The following THSD7B variants were observed in gnomAD, a reference collection of about 807,000 sequenced individuals.
The protein encoded by THSD7B is thrombospondin type-1 domain-containing protein 7B.
Under a neutral mutation model 213.6 loss-of-function variants are expected in THSD7B, and 138 were observed. The observed-to-expected ratio is 0.65, with a 90% CI of 0.56 to 0.74. The LOEUF is 0.74. Ranked by LOEUF, THSD7B falls within the 30% of genes least tolerant of loss-of-function variation. The probability of loss-of-function intolerance (pLI) is 0.00; values close to 1 mark genes in which losing one functional copy is unlikely to be tolerated. For missense variants in THSD7B, 1,931 were observed against 1,991.5 expected, an observed-to-expected ratio of 0.97 and a Z score of 0.58; for synonymous variants, 742 against 687.0, an observed-to-expected ratio of 1.08 and a Z score of -1.25.
chr2:137,307,985 A>G (rs1683797287), intron 12 of THSD7B, among the ~76,000 whole-genome samples: 1 of 152,004 alleles, frequency 6.6e-6, no homozygotes. Context: ...AGGGGTGCAA[A>G]TAGGGCAACC....
chr2:136,877,685 C>A (rs1313742073), intron 1 of THSD7B, among the ~76,000 whole-genome samples: 1 of 152,036 alleles, frequency 6.6e-6, no homozygotes, highest in African/African-American at 2.4e-5. Flanking sequence ...TCTAGGAATG[C>A]CACGAGACTC....
chr2:137,616,154 T>C, intron 17 of THSD7B, 21 bp from the exon 18 acceptor site: 1 of 1,607,630 alleles, frequency 6.2e-7, no homozygotes, highest in Non-Finnish European at 8.5e-7. Context: ...CAGTCAACTT[T>C]TCCTACTCTG....
At chr2:136,967,655 G>A (rs538770280) in intron 2 of THSD7B, among the ~76,000 whole-genome samples, 19 of 152,176 alleles carry the variant, frequency 1.2e-4, no homozygotes, top group Non-Finnish European at 2.5e-4. Context: ...ATGGTAAAAT[G>A]AGCCCCAATC....
chr2:137,360,329 C>T (rs1261793246), intron 12 of THSD7B, among the ~76,000 whole-genome samples: 1 of 152,040 alleles, frequency 6.6e-6, no homozygotes, highest in Non-Finnish European at 1.5e-5. Context: ...TCTGCATTTC[C>T]AACTGAGGTA....
chr2:137,382,623 A>G (rs1685802860), intron 12 of THSD7B, among the ~76,000 whole-genome samples: 1 of 152,246 alleles, frequency 6.6e-6, no homozygotes, highest in Non-Finnish European at 1.5e-5. Context: ...GACTTACCCG[A>G]TAGTGGGATG....
chr2:136,985,971 G>T (rs1685666091), intron 2 of THSD7B, among the ~76,000 whole-genome samples: 1 of 152,186 alleles, frequency 6.6e-6, no homozygotes, highest in South Asian at 2.1e-4. Context: ...CTGCCCTCCT[G>T]GGTTTCATAT....
chr2:137,664,729 T>C (rs1192169829), intron 26 of THSD7B, among the ~76,000 whole-genome samples: 1 of 152,194 alleles, frequency 6.6e-6, no homozygotes, highest in Non-Finnish European at 1.5e-5. Flanking sequence ...GCAGATCTTT[T>C]AGGCTTTTAC....
chr2:137,564,890 CAT>C (rs1479154303), intron 16 of THSD7B, among the ~76,000 whole-genome samples: 2 of 152,142 alleles, frequency 1.3e-5, no homozygotes, highest in East Asian at 3.9e-4. Flanking sequence ...AAAAAATATC[CAT>C]ATGTCTAAGT....
intron 15 of THSD7B, among the ~76,000 whole-genome samples, chr2:137,554,357 A>G (rs1037023385): frequency 6.6e-6 from 1 of 152,190 alleles, no homozygotes; most frequent in African/African-American, 2.4e-5. Flanking sequence ...CAGAAGACAC[A>G]AATTTTTTCC....
chr2:137,538,495 G>C (rs778184722), intron 15 of THSD7B: 7 of 517,548 alleles, frequency 1.4e-5, no homozygotes, highest in Admixed American at 5.9e-5. Context: ...AAAGGCTCAG[G>C]TTGGTGTTGC....
chr2:137,090,823 G>A (rs535417027), intron 3 of THSD7B, among the ~76,000 whole-genome samples: 2 of 152,070 alleles, frequency 1.3e-5, no homozygotes, highest in Non-Finnish European at 2.9e-5. Context: ...AAATCTAAGG[G>A]GTGAGTAAAT....
chr2:137,618,387 T>A lies in THSD7B; in HGVS notation c.3566-5T>A. 6.2e-7 allele frequency: 1 copy of A among 1,613,304 alleles called. No individual in the cohort carries two copies. Among genetic ancestry groups the A allele is most frequent in the Non-Finnish European group, 8.5e-7 (1 of 1,179,524 alleles). ...AACTCAGTGTGGGTGATCCTATGCC[T>A]GTAGAGTGGAGCACATGCCAGCTGA... On this transcript the variant is annotated splice_region_variant and splice_polypyrimidine_tract_variant and intron_variant, in intron 18 of 27. Transcript: ENST00000409968.
intron 21 of THSD7B, among the ~76,000 whole-genome samples, chr2:137,646,093 T>TA (rs1683026509): frequency 6.6e-6 from 1 of 152,144 alleles, no homozygotes; most frequent in South Asian, 2.1e-4. Flanking sequence ...GAAATACTGA[T>TA]AAAACAAATG....
At chr2:137,118,520 T>C (rs752421970) in intron 5 of THSD7B, among the ~76,000 whole-genome samples, 7 of 152,112 alleles carry the variant, frequency 4.6e-5, no homozygotes, top group South Asian at 2.1e-4. Flanking sequence ...TCCAGAAAAA[T>C]TTTTGGTGTG....
At chr2:136,811,712 T>C (rs918364950) in intron 1 of THSD7B, among the ~76,000 whole-genome samples, 1 of 152,184 alleles carries the variant, frequency 6.6e-6, no homozygotes, top group Admixed American at 6.5e-5. Context: ...TAAAATCTTT[T>C]TGAATTATTT....
intron 14 of THSD7B, among the ~76,000 whole-genome samples, chr2:137,431,110 G>T (rs1410257424): frequency 6.6e-6 from 1 of 152,186 alleles, no homozygotes; most frequent in Non-Finnish European, 1.5e-5. Flanking sequence ...TGTGCCCAAG[G>T]TGGTCAGGGA....
At chr2:136,802,056 T>A (rs2104922578) in intron 1 of THSD7B, among the ~76,000 whole-genome samples, 1 of 152,200 alleles carries the variant, frequency 6.6e-6, no homozygotes, top group African/African-American at 2.4e-5. Context: ...AATAAGCAAT[T>A]CCTGGTAAAC....
At chr2:136,816,786 T>C (rs1003125400) in intron 1 of THSD7B, among the ~76,000 whole-genome samples, 1 of 152,232 alleles carries the variant, frequency 6.6e-6, no homozygotes, top group African/African-American at 2.4e-5. Flanking sequence ...TCCTTATGGC[T>C]GAGAAAGGTT....
At chr2:136,888,626 T>C (rs1370170714) in intron 2 of THSD7B, among the ~76,000 whole-genome samples, 1 of 152,126 alleles carries the variant, frequency 6.6e-6, no homozygotes, top group Non-Finnish European at 1.5e-5. Context: ...AAATCAGCAA[T>C]ATCCAAAAGT....
Sources: gnomAD v4.1 joint callset for allele counts (sites outside exome capture counted in the v4.1 genomes callset) on GRCh38, gnomAD v4.1.1 for gene constraint, MANE v1.5 for transcripts, NCBI Gene and HGNC (gene_info 2026-07-23, HGNC 2026-07-21) for gene names.